Variants in EXD1 observed in about 807,000 individuals in gnomAD.
EXD1 encodes the protein piRNA biogenesis protein EXD1.
Under a neutral mutation model 49.1 loss-of-function variants are expected in EXD1, and 63 were observed. That is an observed-to-expected ratio of 1.28 (90% CI 1.05 to 1.58). EXD1 has a LOEUF of 1.58. EXD1 is among the 40% of genes most tolerant of loss of function. The pLI is 0.00. For missense variants in EXD1, 748 were observed against 666.0 expected, an observed-to-expected ratio of 1.12 and a Z score of -1.36; for synonymous variants, 234 against 239.2, an observed-to-expected ratio of 0.98 and a Z score of 0.20.
In EXD1 at chr15:41,191,564, A is replaced by G; in HGVS notation, c.742T>C (p.Ser248Pro). The G allele has an allele frequency of 6.2e-7, 1 of 1,614,082 alleles. No individual in the cohort carries two copies. Among genetic ancestry groups the G allele is most frequent in the Admixed American group, 1.7e-5 (1 of 59,964 alleles). The change falls in exon 10 of 12, where the codon TCC becomes CCC. Residue 248 changes from serine (S) to proline (P), a missense_variant. By Grantham distance (74) the Ser-to-Pro change is moderately conservative. Transcript: ENST00000458580. The part of the protein sequence containing the change: ...DTQVADVLQF[S>P]METGGYLPNC... ...GGAAGATAGCCACCCGTTTCCATGG[A>G]AAACTGAAGTACATCTGCTACCTGT...
intron 2 of EXD1, among the ~76,000 whole-genome samples, chr15:41,225,296 A>T (rs1196993676): frequency 6.6e-6 from 1 of 152,188 alleles, no homozygotes; most frequent in Admixed American, 6.6e-5. Context: ...TATGGAAAGA[A>T]ATTAAAGGGC....
chr15:41,192,385 C>A (rs1278360765), intron 9 of EXD1: 1 of 152,102 alleles, frequency 6.6e-6, no homozygotes, highest in African/African-American at 2.4e-5. Flanking sequence ...CAACCTCCAC[C>A]TCCCGGATTC....
intron 7 of EXD1, among the ~76,000 whole-genome samples, chr15:41,207,065 A>AC (rs1465509410): frequency 4.4e-5 from 6 of 137,738 alleles, no homozygotes; most frequent in African/African-American, 1.6e-4. Context: ...ACGTGGTGAA[A>AC]CCCCGTCTCT....
chr15:41,184,909 G>A (rs780851012), intron 11 of EXD1, among the ~76,000 whole-genome samples: 1 of 152,118 alleles, frequency 6.6e-6, no homozygotes, highest in Non-Finnish European at 1.5e-5. Flanking sequence ...ACCTGCCTCG[G>A]CCTCCCAAAG....
At chr15:41,215,856 G>C (rs572574688) in intron 5 of EXD1, 23 bp from the exon 6 acceptor site, 1 of 1,609,554 alleles carries the variant, frequency 6.2e-7, no homozygotes, top group South Asian at 1.1e-5. Flanking sequence ...GATTGCATTA[G>C]ATATATTTCT....
chr15:41,207,763 C>T (rs1357848661), intron 7 of EXD1, among the ~76,000 whole-genome samples: 4 of 151,938 alleles, frequency 2.6e-5, no homozygotes, highest in African/African-American at 9.7e-5. Flanking sequence ...CAGATCCCAG[C>T]ACTTTGGGAG....
At chr15:41,187,847 C>T (rs1416836161) in intron 11 of EXD1, among the ~76,000 whole-genome samples, 1 of 151,846 alleles carries the variant, frequency 6.6e-6, no homozygotes, top group Non-Finnish European at 1.5e-5. Flanking sequence ...GTAACCCCGT[C>T]TCTACTAAAA....
At chr15:41,196,496 T>C (rs1295489994) in intron 7 of EXD1, among the ~76,000 whole-genome samples, 2 of 151,936 alleles carry the variant, frequency 1.3e-5, no homozygotes, top group East Asian at 3.9e-4. Context: ...TTTGTTATTT[T>C]TAGTAGAGAA....
Position 41,190,015 on chromosome 15 carries a change from C to T in EXD1, c.978G>A (p.Met326Ile), listed in dbSNP as rs373119514. 1.2e-6 allele frequency: 2 copies of T among 1,613,998 alleles called. No homozygotes were observed. The highest frequency in any genetic ancestry group is 1.3e-5 in the African/African-American group (1 of 74,900). The change falls in exon 11 of 12, where the codon ATG becomes ATA. Residue 326 changes from methionine to isoleucine, a missense_variant. Coordinates refer to ENST00000458580, the MANE Select transcript of EXD1 (RefSeq NM_001286441.2). ...PLRLALLDEM[M>I]SDLTTLVDGY... ...CATCCACCAGGGTGGTTAGGTCAGA[C>T]ATCATCTCATCTAGGAGTGCCAAGC...
chr15:41,184,550 T>G lies in EXD1; in HGVS notation c.1100A>C (p.Asp367Ala), dbSNP rs1238866827. 6.2e-7 allele frequency: 1 copy of G among 1,607,152 alleles called. No individual in the cohort carries two copies. Among genetic ancestry groups the G allele is most frequent in the African/African-American group, 1.3e-5 (1 of 74,536 alleles). Residue 367 changes from aspartate to alanine, a missense_variant, in exon 12 of 12, where the codon GAC becomes GCC. Physicochemically the swap from Asp to Ala is moderately radical, Grantham distance 126. Coordinates refer to ENST00000458580, the MANE Select transcript of EXD1 (RefSeq NM_001286441.2). Reference protein sequence around the residue: ...ELPEELLQLKDFQKQRREKAA... With the variant: ...ELPEELLQLKAFQKQRREKAA... ...TTTCTCCCTGCGCTGCTTCTGGAAG[T>G]CCTTGAGTTGAAGCAGTTCCTCTGG...
intron 7 of EXD1, among the ~76,000 whole-genome samples, chr15:41,207,696 G>C (rs572189341): frequency 6.6e-6 from 1 of 151,974 alleles, no homozygotes; most frequent in Non-Finnish European, 1.5e-5. Flanking sequence ...CAAGGATCTG[G>C]CTGGGGAAAA....
At chr15:41,224,676 T>C (rs954144348) in intron 2 of EXD1, among the ~76,000 whole-genome samples, 3 of 152,210 alleles carry the variant, frequency 2.0e-5, no homozygotes, top group Admixed American at 6.6e-5. Context: ...AAGGTTGTCC[T>C]GGCTGGGCAT....
intron 7 of EXD1, among the ~76,000 whole-genome samples, chr15:41,209,053 A>C (rs2046879485): frequency 6.6e-6 from 1 of 152,112 alleles, no homozygotes; most frequent in African/African-American, 2.4e-5. Flanking sequence ...GAATAAAGTG[A>C]GTACCAGGAG....
intron 7 of EXD1, among the ~76,000 whole-genome samples, chr15:41,201,631 A>T (rs2046730459): frequency 6.6e-6 from 1 of 151,696 alleles, no homozygotes; most frequent in East Asian, 1.9e-4. Context: ...CTGGGACTAC[A>T]GGTGCCCACC....
intron 11 of EXD1, among the ~76,000 whole-genome samples, chr15:41,186,744 A>G (rs1172781862): frequency 1.3e-5 from 2 of 151,960 alleles, no homozygotes; most frequent in Non-Finnish European, 2.9e-5. Context: ...TACATTTCAT[A>G]TAAGGGACAT....
At chr15:41,207,196 G>C (rs1395632452) in intron 7 of EXD1, among the ~76,000 whole-genome samples, 1 of 151,372 alleles carries the variant, frequency 6.6e-6, no homozygotes, top group Non-Finnish European at 1.5e-5. Context: ...AGCTGAGATT[G>C]TGCCATTGCA....
At chr15:41,211,310 C>G (rs1240460643) in intron 6 of EXD1, among the ~76,000 whole-genome samples, 2 of 151,696 alleles carry the variant, frequency 1.3e-5, no homozygotes, top group African/African-American at 4.8e-5. Context: ...GTGGGTTTGC[C>G]TTGTTGCCCA....
chr15:41,224,691 G>A (rs2047135430), intron 2 of EXD1, among the ~76,000 whole-genome samples: 1 of 152,142 alleles, frequency 6.6e-6, no homozygotes, highest in South Asian at 2.1e-4. Context: ...GGGCATGGTG[G>A]CTCACACCTA....
chr15:41,193,370 G>A (rs2046560937), intron 9 of EXD1, among the ~76,000 whole-genome samples: 1 of 152,172 alleles, frequency 6.6e-6, no homozygotes, highest in African/African-American at 2.4e-5. Context: ...CTAGTCGGGA[G>A]CTGAACCAGC....
Sources: gnomAD v4.1 joint callset for allele counts (sites outside exome capture counted in the v4.1 genomes callset) on GRCh38, gnomAD v4.1.1 for gene constraint, MANE v1.5 for transcripts, NCBI Gene and HGNC (gene_info 2026-07-23, HGNC 2026-07-21) for gene names.